Variants in WWOX observed in about 807,000 individuals in gnomAD.
WWOX encodes WW domain containing oxidoreductase.
A neutral mutation model predicts 46.2 loss-of-function variants in WWOX; 69 were observed. That is an observed-to-expected ratio of 1.49 (90% confidence interval 1.23 to 1.82). The LOEUF is 1.82. Ranked by LOEUF, WWOX falls within the 40% of genes most tolerant of loss-of-function variation. The pLI is 0.00. For synonymous variants in WWOX, 359 were observed against 202.6 expected, an observed-to-expected ratio of 1.77 and a Z score of -6.56; for missense variants, 919 against 542.6, an observed-to-expected ratio of 1.69 and a Z score of -6.89.
intron 8 of WWOX, among the ~76,000 whole-genome samples, chr16:79,104,363 C>T (rs1257567999): frequency 6.6e-6 from 1 of 152,156 alleles, no homozygotes; most frequent in Non-Finnish European, 1.5e-5. Context: ...AATGAAAACT[C>T]ATAAGCATAC....
chr16:78,182,555 G>T (rs1284710187), intron 5 of WWOX, among the ~76,000 whole-genome samples: 2 of 151,856 alleles, frequency 1.3e-5, no homozygotes, highest in Non-Finnish European at 2.9e-5. Flanking sequence ...TCTCTTTCCT[G>T]TCTCCTGCCC....
chr16:79,153,760 G>A (rs1022330984), intron 8 of WWOX, among the ~76,000 whole-genome samples: 5 of 151,990 alleles, frequency 3.3e-5, no homozygotes, highest in Non-Finnish European at 1.5e-5. Flanking sequence ...TTTTGGGGGG[G>A]GTTTTTTGTT....
At chr16:78,959,275 T>A (rs2046228209) in intron 8 of WWOX, among the ~76,000 whole-genome samples, 1 of 152,190 alleles carries the variant, frequency 6.6e-6, no homozygotes, top group Non-Finnish European at 1.5e-5. Flanking sequence ...TGAACTTAAT[T>A]CATTTATTTT....
chr16:78,183,269 C>A (rs28449430), intron 5 of WWOX, among the ~76,000 whole-genome samples: 1 of 152,014 alleles, frequency 6.6e-6, no homozygotes, highest in Non-Finnish European at 1.5e-5. Flanking sequence ...GTGTTGGGGG[C>A]GGTGTGGCTG....
intron 5 of WWOX, among the ~76,000 whole-genome samples, chr16:78,327,804 T>G (rs180875428): frequency 1.3e-5 from 2 of 151,916 alleles, no homozygotes; most frequent in Non-Finnish European, 2.9e-5. Flanking sequence ...GCAAAGCTCT[T>G]AGAGCACCCA....
intron 8 of WWOX, among the ~76,000 whole-genome samples, chr16:78,789,238 G>A (rs1347291958): frequency 2.0e-5 from 3 of 152,092 alleles, no homozygotes; most frequent in South Asian, 2.1e-4. Flanking sequence ...GTTTTTCCCT[G>A]AAACCACCCC....
intron 8 of WWOX, among the ~76,000 whole-genome samples, chr16:78,929,330 T>C (rs2045569171): frequency 6.6e-6 from 1 of 152,150 alleles, no homozygotes; most frequent in African/African-American, 2.4e-5. Flanking sequence ...AAGCAAATAC[T>C]TGAATTTTCA....
intron 8 of WWOX, among the ~76,000 whole-genome samples, chr16:78,858,613 G>C (rs1445499577): frequency 6.6e-6 from 1 of 151,994 alleles, no homozygotes; most frequent in East Asian, 1.9e-4. Context: ...GAGCTGAGAA[G>C]GCTTTGAGGA....
rs1411439583 is a variant in WWOX at position 78,137,827 on chromosome 16, G to A, written c.409+22673G>A. On this transcript the variant is annotated intron_variant, in intron 4 of 8. Coordinates refer to ENST00000566780, the MANE Select transcript of WWOX (RefSeq NM_016373.4). ...GTTTTTTGCAAAGCTATGGCTCTAT[G>A]TGCTGTACTTGAGCAGTATCCATAC... Among the ~76,000 whole-genome samples, 6 of 136,998 alleles carry A rather than the reference G, an allele frequency of 4.4e-5. 1 individual carries two copies. The highest frequency in any genetic ancestry group is 8.3e-5 in the Non-Finnish European group (5 of 60,586). The allele number at this position is 136,998 out of a possible 152,430, so 89.9% of individuals were successfully genotyped here.
At chr16:78,828,318 A>C (rs2051719491) in intron 8 of WWOX, among the ~76,000 whole-genome samples, 1 of 152,124 alleles carries the variant, frequency 6.6e-6, no homozygotes, top group Admixed American at 6.5e-5. Flanking sequence ...GGGCCAGGCA[A>C]AAACTGGGGG....
chr16:79,135,332 A>G (rs4611476), intron 8 of WWOX, among the ~76,000 whole-genome samples: 23,453 of 152,110 alleles, frequency 0.15, 1,894 homozygotes, highest in Middle Eastern at 0.18. Context: ...TCCTTTTCCC[A>G]TAATTTTATG....
intron 8 of WWOX, among the ~76,000 whole-genome samples, chr16:78,942,158 T>C (rs1050922590): frequency 2.0e-5 from 3 of 152,298 alleles, no homozygotes; most frequent in African/African-American, 7.2e-5. Context: ...GTGATTGGTA[T>C]GGAGAAGCAG....
chr16:78,225,525 C>G (rs1361235789), intron 5 of WWOX, among the ~76,000 whole-genome samples: 1 of 152,176 alleles, frequency 6.6e-6, no homozygotes, highest in African/African-American at 2.4e-5. Flanking sequence ...AAAAATCCTT[C>G]TCCATGGTAA....
At chr16:78,761,489 G>C (rs896252263) in intron 8 of WWOX, among the ~76,000 whole-genome samples, 2 of 152,174 alleles carry the variant, frequency 1.3e-5, no homozygotes, top group Non-Finnish European at 2.9e-5. Context: ...GCTGAAATCT[G>C]TAGTGGTTGG....
At chr16:79,090,249 G>A (rs981759005) in intron 8 of WWOX, among the ~76,000 whole-genome samples, 1 of 151,548 alleles carries the variant, frequency 6.6e-6, no homozygotes, top group African/African-American at 2.4e-5. Flanking sequence ...CTAGCCTCGT[G>A]GGGTGCCATC....
At chr16:78,119,277 G>A (rs577503344) in intron 4 of WWOX, among the ~76,000 whole-genome samples, 1 of 152,338 alleles carries the variant, frequency 6.6e-6, no homozygotes, top group South Asian at 2.1e-4. Flanking sequence ...GCAAATGTTG[G>A]GAAGTGTTAG....
intron 8 of WWOX, among the ~76,000 whole-genome samples, chr16:78,541,745 C>T (rs2043901898): frequency 6.6e-6 from 1 of 151,876 alleles, no homozygotes; most frequent in African/African-American, 2.4e-5. Flanking sequence ...TACAATAATA[C>T]CCACCTCCCA....
chr16:78,786,573 C>T (rs1223862848), intron 8 of WWOX, among the ~76,000 whole-genome samples: 2 of 152,012 alleles, frequency 1.3e-5, no homozygotes, highest in African/African-American at 2.4e-5. Flanking sequence ...ATACACTTTC[C>T]AATAAGCCCA....
At chr16:79,043,742 C>T (rs1171824288) in intron 8 of WWOX, among the ~76,000 whole-genome samples, 1 of 152,164 alleles carries the variant, frequency 6.6e-6, no homozygotes, top group Non-Finnish European at 1.5e-5. Context: ...TCTCTGGATC[C>T]AGGCTGAAAT....
Sources: gnomAD v4.1 joint callset for allele counts (sites outside exome capture counted in the v4.1 genomes callset) on GRCh38, gnomAD v4.1.1 for gene constraint, MANE v1.5 for transcripts, NCBI Gene and HGNC (gene_info 2026-07-23, HGNC 2026-07-21) for gene names.